The following LRRTM4 variants were observed in gnomAD, a reference collection of about 807,000 sequenced individuals.
The protein encoded by LRRTM4 is leucine rich repeat transmembrane neuronal 4.
LRRTM4 carries 25 observed loss-of-function variants against 47.6 expected under a neutral mutation model. The ratio of observed to expected loss-of-function variants is 0.53; its 90% confidence interval spans 0.38 to 0.73. LRRTM4 has a LOEUF of 0.73. Ranked by LOEUF, LRRTM4 falls within the 30% of genes least tolerant of loss-of-function variation. The pLI, the probability that LRRTM4 is intolerant of heterozygous loss-of-function variation, is 0.00. For missense variants in LRRTM4, 638 were observed against 713.4 expected (o/e 0.89, Z 1.20); for synonymous variants, 311 against 269.5 (o/e 1.15, Z -1.51).
chr2:76,892,954 GT>G (rs1226899308), intron 3 of LRRTM4, among the ~76,000 whole-genome samples: 1 of 150,814 alleles, frequency 6.6e-6, no homozygotes, highest in Non-Finnish European at 1.5e-5. Flanking sequence ...TACTAATGGA[GT>G]CAAAATCCCA....
At chr2:77,030,895 TCAAA>T (rs1186044242) in intron 3 of LRRTM4, among the ~76,000 whole-genome samples, 1 of 152,212 alleles carries the variant, frequency 6.6e-6, no homozygotes, top group Non-Finnish European at 1.5e-5. Flanking sequence ...CCATCAAAGC[TCAAA>T]CACTCTTCAG....
At position 76,933,413 on chromosome 2, in the gene LRRTM4, T is replaced by A. The variant is rs139304687; in HGVS notation, c.1552-184497A>T. On this transcript the variant is annotated intron_variant, in intron 3 of 3. Transcript: ENST00000409884. ...TACCTGCTTGCCTGCAGAGGTATAT[T>A]TTTTTTTAGCATTGCTGTAAGGATC... is the stretch of plus-strand genomic sequence containing the variant. Among the ~76,000 whole-genome samples the A allele has an allele frequency of 6.3e-4, 95 of 151,608 alleles. 1 individual carries two copies. The East Asian group carries it at 0.013, about 21-fold the overall frequency.
At chr2:76,758,461 T>C (rs139015085) in intron 3 of LRRTM4, among the ~76,000 whole-genome samples, 2 of 152,142 alleles carry the variant, frequency 1.3e-5, no homozygotes, top group African/African-American at 4.8e-5. Context: ...ATGAGTCTAA[T>C]AGAGTACAAA....
At chr2:76,882,540 A>C (rs1293193026) in intron 3 of LRRTM4, among the ~76,000 whole-genome samples, 1 of 144,264 alleles carries the variant, frequency 6.9e-6, no homozygotes, top group African/African-American at 2.5e-5. Flanking sequence ...AAAAGTTAAA[A>C]AATAAAAAAA....
intron 3 of LRRTM4, among the ~76,000 whole-genome samples, chr2:77,237,464 C>G (rs910114237): frequency 6.6e-6 from 1 of 151,994 alleles, no homozygotes. Flanking sequence ...GTATATCTAA[C>G]AGTCTATCAA....
chr2:77,137,389 A>G (rs961084795), intron 3 of LRRTM4, among the ~76,000 whole-genome samples: 1 of 151,916 alleles, frequency 6.6e-6, no homozygotes, highest in African/African-American at 2.4e-5. Context: ...TCGTAAGTGA[A>G]GGAGAAATAA....
At chr2:77,286,072 C>A (rs1676649892) in intron 3 of LRRTM4, among the ~76,000 whole-genome samples, 1 of 152,016 alleles carries the variant, frequency 6.6e-6, no homozygotes, top group African/African-American at 2.4e-5. Context: ...TTATTAGAAT[C>A]TGAAAAACTT....
At chr2:76,854,514 A>C (rs960488534) in intron 3 of LRRTM4, among the ~76,000 whole-genome samples, 1 of 152,140 alleles carries the variant, frequency 6.6e-6, no homozygotes, top group Non-Finnish European at 1.5e-5. Flanking sequence ...GTGAACATAA[A>C]TTACTCTCTG....
chr2:77,083,131 A>C (rs999660895), intron 3 of LRRTM4, among the ~76,000 whole-genome samples: 2 of 152,182 alleles, frequency 1.3e-5, no homozygotes, highest in African/African-American at 4.8e-5. Context: ...TTTATGAGCA[A>C]ACCTGGAAAA....
chr2:77,028,966 C>A (rs144659007), intron 3 of LRRTM4, among the ~76,000 whole-genome samples: 18,542 of 149,702 alleles, frequency 0.12, 1,431 homozygotes, highest in Admixed American at 0.19. Context: ...ACCCGGGAGG[C>A]GGAGCTTGCA....
intron 3 of LRRTM4, among the ~76,000 whole-genome samples, chr2:76,810,967 T>G (rs1670714581): frequency 6.6e-6 from 1 of 152,102 alleles, no homozygotes; most frequent in Non-Finnish European, 1.5e-5. Context: ...TAACCACTGG[T>G]TAAAAAAAAA....
intron 3 of LRRTM4, among the ~76,000 whole-genome samples, chr2:76,807,407 C>CATAT (rs1670525706): frequency 1.2e-5 from 1 of 85,602 alleles, no homozygotes; most frequent in African/African-American, 4.6e-5. Flanking sequence ...TATGTATATA[C>CATAT]GTATATATAT....
At chr2:77,138,372 A>G (rs1324941807) in intron 3 of LRRTM4, among the ~76,000 whole-genome samples, 1 of 152,182 alleles carries the variant, frequency 6.6e-6, no homozygotes, top group African/African-American at 2.4e-5. Flanking sequence ...CTGAATGACT[A>G]CTGGGTACAT....
intron 3 of LRRTM4, among the ~76,000 whole-genome samples, chr2:76,757,635 G>A (rs1210186909): frequency 6.6e-6 from 1 of 152,110 alleles, no homozygotes; most frequent in Non-Finnish European, 1.5e-5. Context: ...TGCATTGTAA[G>A]CAAACAACCT....
intron 3 of LRRTM4, among the ~76,000 whole-genome samples, chr2:76,911,374 G>A (rs2103779979): frequency 6.6e-6 from 1 of 152,240 alleles, no homozygotes; most frequent in Middle Eastern, 3.4e-3. Flanking sequence ...AATGTTTCCT[G>A]GACAGCCAAG....
intron 2 of LRRTM4, among the ~76,000 whole-genome samples, chr2:77,520,911 A>G (rs1679462780): frequency 2.0e-5 from 3 of 152,058 alleles, no homozygotes. Flanking sequence ...ATGGAGAGAA[A>G]AAAAAAGAAA....
intron 3 of LRRTM4, among the ~76,000 whole-genome samples, chr2:77,308,026 A>G (rs1207920421): frequency 4.3e-5 from 6 of 140,986 alleles, no homozygotes; most frequent in Non-Finnish European, 4.6e-5. Flanking sequence ...ATTATATATT[A>G]TATATCTATA....
chr2:76,977,010 T>TAA (rs33951331), intron 3 of LRRTM4, among the ~76,000 whole-genome samples: 68 of 151,394 alleles, frequency 4.5e-4, no homozygotes, highest in African/African-American at 1.6e-3. Context: ...ATTAATAGGC[T>TAA]GTGTGTGTTT....
chr2:76,764,015 CTT>C (rs1297828426), intron 3 of LRRTM4, among the ~76,000 whole-genome samples: 1 of 152,104 alleles, frequency 6.6e-6, no homozygotes, highest in African/African-American at 2.4e-5. Context: ...TCACTGGAGT[CTT>C]TGTAAAAAGA....
Sources: gnomAD v4.1 joint callset for allele counts (sites outside exome capture counted in the v4.1 genomes callset) on GRCh38, gnomAD v4.1.1 for gene constraint, MANE v1.5 for transcripts, NCBI Gene and HGNC (gene_info 2026-07-23, HGNC 2026-07-21) for gene names.